NFAT5: variants seen among roughly 807,000 people sequenced by gnomAD.
NFAT5 encodes the protein nuclear factor of activated T cells 5.
In NFAT5, 31 loss-of-function variants were observed where a neutral mutation model predicts 166.5. The ratio of observed to expected loss-of-function variants is 0.19; its 90% confidence interval spans 0.14 to 0.25. The LOEUF (loss-of-function observed/expected upper bound fraction) is 0.25. Ranked by LOEUF, NFAT5 falls within the 10% of genes least tolerant of loss-of-function variation. The pLI is 1.00. For missense variants in NFAT5, 1,449 were observed against 1,821.8 expected (o/e 0.80, Z 3.72); for synonymous variants, 612 against 639.7 (o/e 0.96, Z 0.65).
intron 7 of NFAT5, among the ~76,000 whole-genome samples, chr16:69,664,054 C>T (rs2036258520): frequency 6.6e-6 from 1 of 152,080 alleles, no homozygotes. Flanking sequence ...CTATTTCTAC[C>T]TATCCCACAG....
At chr16:69,586,057 A>G (rs1248742175) in intron 2 of NFAT5, among the ~76,000 whole-genome samples, 1 of 152,192 alleles carries the variant, frequency 6.6e-6, no homozygotes, top group Non-Finnish European at 1.5e-5. Context: ...AAAACAAGAA[A>G]TTTTTAAGAG....
intron 2 of NFAT5, among the ~76,000 whole-genome samples, chr16:69,625,048 C>A (rs963819072): frequency 1.3e-5 from 2 of 151,920 alleles, no homozygotes; most frequent in Non-Finnish European, 2.9e-5. Context: ...TACAGGTGCC[C>A]GTCACCATGC....
At chr16:69,596,876 A>T (rs1597374978) in intron 2 of NFAT5, among the ~76,000 whole-genome samples, 1 of 152,262 alleles carries the variant, frequency 6.6e-6, no homozygotes, top group Non-Finnish European at 1.5e-5. Flanking sequence ...TGAGAGTCAG[A>T]CTAGTAAATA....
Position 69,675,791 on chromosome 16 carries a change from C to T in NFAT5, c.1558-1412C>T, listed in dbSNP as rs903338480. Among the ~76,000 whole-genome samples the T allele has an allele frequency of 9.9e-5, 15 of 152,210 alleles. 2 individuals carry two copies. The highest frequency in any genetic ancestry group is 3.9e-4 in the East Asian group (2 of 5,184). On this transcript the variant is annotated intron_variant, in intron 9 of 14. Coordinates refer to ENST00000349945, the MANE Select transcript of NFAT5 (RefSeq NM_138713.4). ...AGTAGCTGGGATTACAGGCATGTGC[C>T]ACCAGGGCTGGCTAATTTTTTGTAT... is the stretch of plus-strand genomic sequence containing the variant.
intron 9 of NFAT5, among the ~76,000 whole-genome samples, chr16:69,674,516 CA>C (rs376309324): frequency 4.0e-5 from 6 of 151,804 alleles, no homozygotes; most frequent in African/African-American, 1.4e-4. Flanking sequence ...AAGGATAGCT[CA>C]GGGGAAGATG....
At chr16:69,614,055 T>A (rs2151560776) in intron 2 of NFAT5, among the ~76,000 whole-genome samples, 1 of 152,338 alleles carries the variant, frequency 6.6e-6, no homozygotes, top group South Asian at 2.1e-4. Flanking sequence ...ACTAAAATAT[T>A]TGGTTTTGTT....
intron 2 of NFAT5, among the ~76,000 whole-genome samples, chr16:69,624,280 A>G (rs1357813626): frequency 6.6e-6 from 1 of 151,968 alleles, no homozygotes; most frequent in Non-Finnish European, 1.5e-5. Flanking sequence ...ATCTCGGCTC[A>G]CTGCAACCTC....
At chr16:69,583,222 G>A (rs1423188395) in intron 2 of NFAT5, among the ~76,000 whole-genome samples, 1 of 151,262 alleles carries the variant, frequency 6.6e-6, no homozygotes, top group Admixed American at 6.6e-5. Flanking sequence ...TAAGGGATGG[G>A]GTCTCATTCT....
intron 2 of NFAT5, among the ~76,000 whole-genome samples, chr16:69,607,704 C>G (rs377160967): frequency 1.3e-5 from 2 of 152,240 alleles, no homozygotes; most frequent in East Asian, 1.9e-4. Flanking sequence ...TTGAATCCAT[C>G]TCACTAAAGC....
In NFAT5 at chr16:69,566,262, C is replaced by T. The variant is rs368808924; in HGVS notation, c.-40C>T. ...AGGTGCCGCCGCCACCGCCGCTCCC[C>T]CCCTCCCGCTGCCCTCGGGCCGGGC... On this transcript the variant is annotated 5_prime_UTR_variant, in exon 1 of 15. Transcript: ENST00000349945. The surrounding 1 kb of genome is among the most constrained non-coding windows in gnomAD (Gnocchi z 5.7). 1.7e-4 allele frequency: 262 copies of T among 1,576,184 alleles called. No homozygotes were observed. The highest frequency in any genetic ancestry group is 2.0e-4 in the Non-Finnish European group (235 of 1,161,548).
chr16:69,592,656 A>G (rs956580314), intron 2 of NFAT5, among the ~76,000 whole-genome samples: 2 of 152,162 alleles, frequency 1.3e-5, no homozygotes, highest in African/African-American at 4.8e-5. Context: ...TATGAAATTG[A>G]TAGTTTTCTC....
chr16:69,606,288 G>A (rs2033405277), intron 2 of NFAT5, among the ~76,000 whole-genome samples: 1 of 152,040 alleles, frequency 6.6e-6, no homozygotes, highest in South Asian at 2.1e-4. Context: ...AGTGCCTATA[G>A]GGCACAGACA....
rs1265408030 is a variant in NFAT5, at chr16:69,647,727, A to G, written c.812+141A>G. 13 of 732,816 alleles carry G rather than the reference A, an allele frequency of 1.8e-5. No individual in the cohort carries two copies. The highest frequency in any genetic ancestry group is 2.8e-5 in the Non-Finnish European group (13 of 472,546). 45.4% of individuals were successfully genotyped at this position (732,816 alleles called of 1,614,324 possible). A position where few individuals can be genotyped will look rare whatever the true frequency, so the allele number is the denominator to read the frequency against. ...AATTTTATCATTGAAATACATGAAA[A>G]TTTTAACTTAAAATTACCAACTTTT... On this transcript the variant is annotated intron_variant, in intron 4 of 14. Coordinates refer to ENST00000349945, the MANE Select transcript of NFAT5 (RefSeq NM_138713.4). The surrounding 1 kb of genome is among the most constrained non-coding windows in gnomAD (Gnocchi z 4.8).
chr16:69,590,893 C>G (rs1348389648), intron 2 of NFAT5, among the ~76,000 whole-genome samples: 2 of 152,112 alleles, frequency 1.3e-5, no homozygotes, highest in Non-Finnish European at 2.9e-5. Flanking sequence ...CGATCTGGAC[C>G]TTAATGTGTG....
chr16:69,629,120 T>A (rs1158454738), intron 3 of NFAT5, among the ~76,000 whole-genome samples: 1 of 152,120 alleles, frequency 6.6e-6, no homozygotes, highest in African/African-American at 2.4e-5. Context: ...ATATTGACTC[T>A]TGATATAGTT....
intron 3 of NFAT5, among the ~76,000 whole-genome samples, chr16:69,628,646 C>T (rs1380727200): frequency 6.6e-6 from 1 of 152,122 alleles, no homozygotes; most frequent in East Asian, 1.9e-4. Context: ...TACTAATATT[C>T]TTGGTGATAT....
chr16:69,603,837 T>A (rs555117019), intron 2 of NFAT5, among the ~76,000 whole-genome samples: 1 of 152,328 alleles, frequency 6.6e-6, no homozygotes, highest in South Asian at 2.1e-4. Flanking sequence ...TTTGTAGATA[T>A]ACTAAATAGA....
In NFAT5 at chr16:69,626,475, G is replaced by A. The variant is rs1400566106; in HGVS notation, c.200G>A (p.Ser67Asn). ...AGAGAAACATCTGTAGCATCAATGA[G>A]TCAGACAAGCGGTGGTGAGGCAGGC... is the stretch of plus-strand genomic sequence containing the variant. ...PSRETSVASM[S>N]QTSGGEAGSP... The change falls in exon 3 of 15, where the codon AGT (serine) becomes AAT (asparagine). Residue 67 changes from serine (S) to asparagine (N), a missense_variant. Transcript: ENST00000349945. 1.9e-6 allele frequency: 3 copies of A among 1,595,272 alleles called. No homozygotes were observed. The highest frequency in any genetic ancestry group is 2.6e-6 in the Non-Finnish European group (3 of 1,171,328).
At chr16:69,638,215 T>C (rs2035049964) in intron 3 of NFAT5, among the ~76,000 whole-genome samples, 1 of 152,032 alleles carries the variant, frequency 6.6e-6, no homozygotes, top group Non-Finnish European at 1.5e-5. Flanking sequence ...TGAGACTGTG[T>C]CTCAAAAACA....
Sources: allele counts gnomAD v4.1 joint callset (sites outside exome capture counted in the v4.1 genomes callset), GRCh38; gene constraint gnomAD v4.1.1; non-coding constraint Gnocchi (gnomAD v3.1); transcripts MANE v1.5; gene names NCBI Gene and HGNC (gene_info 2026-07-23, HGNC 2026-07-21).